The following RBMS1 variants were observed in gnomAD, a reference collection of about 807,000 sequenced individuals.
The protein encoded by RBMS1 is RNA-binding motif, single-stranded-interacting protein 1.
Under a neutral mutation model 62.3 loss-of-function variants are expected in RBMS1, and 17 were observed. The ratio of observed to expected loss-of-function variants is 0.27; its 90% CI spans 0.19 to 0.41. RBMS1 has a LOEUF of 0.41. Among genes scored for constraint, RBMS1 ranks in the 10% least tolerant of loss-of-function variants. The pLI is 1.00. For synonymous variants in RBMS1, 172 were observed against 170.0 expected (o/e 1.01, Z -0.09); for missense variants, 334 against 504.5 (o/e 0.66, Z 3.24).
intron 2 of RBMS1, among the ~76,000 whole-genome samples, chr2:160,348,661 T>C (rs771023056): frequency 2.9e-4 from 44 of 152,132 alleles, no homozygotes; most frequent in Non-Finnish European, 5.0e-4. Flanking sequence ...AAGCACCTGA[T>C]TGACAAGAAA....
intron 6 of RBMS1, among the ~76,000 whole-genome samples, chr2:160,288,513 C>T (rs1286471984): frequency 1.3e-5 from 2 of 152,186 alleles, no homozygotes; most frequent in East Asian, 1.9e-4. Context: ...TTTCTTCTTT[C>T]CCTGGTGTGA....
chr2:160,346,213 C>T (rs114540055), intron 2 of RBMS1, among the ~76,000 whole-genome samples: 92 of 152,158 alleles, frequency 6.0e-4, no homozygotes, highest in Non-Finnish European at 1.0e-3. Context: ...GCGATATTAC[C>T]GACCGTAGGA....
At chr2:160,420,887 T>C (rs1023043397) in intron 1 of RBMS1, among the ~76,000 whole-genome samples, 1 of 152,222 alleles carries the variant, frequency 6.6e-6, no homozygotes, top group Non-Finnish European at 1.5e-5. Context: ...TATAGCCTCT[T>C]GAGGTAAGAA....
Position 160,275,611 on chromosome 2 carries a change from G to T in RBMS1, c.*7+19C>A. 6.2e-7 allele frequency: 1 copy of T among 1,611,134 alleles called. No individual in the cohort carries two copies. Among genetic ancestry groups the T allele is most frequent in the African/African-American group, 1.3e-5 (1 of 74,960 alleles). On this transcript the variant is annotated intron_variant, in intron 13 of 13. Transcript: ENST00000348849. Reference sequence around the variant, plus strand: ...TGCTTGATTTGAGCCCCCCAGTTATGAAGACCTTTCCCTCATACCTCACAG... The same window carrying T: ...TGCTTGATTTGAGCCCCCCAGTTATTAAGACCTTTCCCTCATACCTCACAG...
At chr2:160,473,231 C>T (rs539902442) in intron 1 of RBMS1, among the ~76,000 whole-genome samples, 54 of 152,274 alleles carry the variant, frequency 3.5e-4, no homozygotes, top group African/African-American at 1.3e-3. Flanking sequence ...GTCACTTTTT[C>T]CCCATGCACA....
chr2:160,465,404 A>G (rs539688393), intron 1 of RBMS1, among the ~76,000 whole-genome samples: 1 of 152,348 alleles, frequency 6.6e-6, no homozygotes, highest in South Asian at 2.1e-4. Context: ...GCTCCTGCCC[A>G]ACTCAATCCT....
At chr2:160,347,206 A>G (rs1439912047) in intron 2 of RBMS1, among the ~76,000 whole-genome samples, 1 of 152,138 alleles carries the variant, frequency 6.6e-6, no homozygotes, top group Non-Finnish European at 1.5e-5. Flanking sequence ...TTAATTGCTT[A>G]GAATGCTAAA....
chr2:160,481,306 T>C (rs1022704326), intron 1 of RBMS1, among the ~76,000 whole-genome samples: 1 of 149,740 alleles, frequency 6.7e-6, no homozygotes, highest in African/African-American at 2.5e-5. Flanking sequence ...TAATTGGAAA[T>C]TGATTGCAGG....
intron 7 of RBMS1, among the ~76,000 whole-genome samples, chr2:160,285,283 GAATTTGTACTT>G (rs894581467): frequency 1.3e-5 from 2 of 151,742 alleles, no homozygotes; most frequent in African/African-American, 4.8e-5. Context: ...GGAGGGAGGG[GAATTTGTACTT>G]AGAGTCTAGT....
chr2:160,368,963 T>C (rs990137154), intron 1 of RBMS1, among the ~76,000 whole-genome samples: 3 of 152,158 alleles, frequency 2.0e-5, no homozygotes, highest in Non-Finnish European at 4.4e-5. Context: ...TATGTTACCA[T>C]TTTTTCTGGT....
intron 6 of RBMS1, among the ~76,000 whole-genome samples, chr2:160,289,411 A>G (rs953870278): frequency 2.6e-5 from 4 of 152,216 alleles, no homozygotes; most frequent in African/African-American, 9.6e-5. Context: ...AAAATGACAC[A>G]TTTCTGAGAT....
intron 2 of RBMS1, among the ~76,000 whole-genome samples, chr2:160,361,169 A>G (rs1338469969): frequency 6.6e-6 from 1 of 152,216 alleles, no homozygotes; most frequent in Non-Finnish European, 1.5e-5. Flanking sequence ...TTTTCTTTTA[A>G]TATCAAGTCA....
At chr2:160,287,177 A>G (rs1303790721) in intron 6 of RBMS1, 93 bp from the exon 7 acceptor site, 1 of 1,522,278 alleles carries the variant, frequency 6.6e-7, no homozygotes, top group East Asian at 2.3e-5. Flanking sequence ...TGTTCACGCT[A>G]TTAGAAAATT....
chr2:160,306,858 G>A (rs1479076443), intron 4 of RBMS1, among the ~76,000 whole-genome samples: 2 of 152,084 alleles, frequency 1.3e-5, no homozygotes, highest in South Asian at 4.1e-4. Flanking sequence ...GGATAGTTTA[G>A]TATCTTTAAA....
At chr2:160,377,380 C>T (rs951452925) in intron 1 of RBMS1, among the ~76,000 whole-genome samples, 3 of 152,170 alleles carry the variant, frequency 2.0e-5, no homozygotes, top group Non-Finnish European at 2.9e-5. Context: ...CTGATGTGCA[C>T]GTGAAGCACC....
intron 10 of RBMS1, among the ~76,000 whole-genome samples, chr2:160,279,991 T>C (rs1398212697): frequency 1.3e-5 from 2 of 152,228 alleles, no homozygotes; most frequent in African/African-American, 4.8e-5. Context: ...CATTAATACA[T>C]TCTGTTAGAA....
chr2:160,386,013 A>T (rs1312444230), intron 1 of RBMS1, among the ~76,000 whole-genome samples: 1 of 152,210 alleles, frequency 6.6e-6, no homozygotes, highest in Non-Finnish European at 1.5e-5. Flanking sequence ...AGCCAAACTG[A>T]AAGAACTTCT....
chr2:160,305,026 T>C (rs1210058399), intron 4 of RBMS1, among the ~76,000 whole-genome samples: 6 of 152,192 alleles, frequency 3.9e-5, no homozygotes, highest in Middle Eastern at 3.2e-3. Flanking sequence ...AGCTAATTTT[T>C]GTATTTTTAG....
At chr2:160,455,202 A>C (rs764190411) in intron 1 of RBMS1, among the ~76,000 whole-genome samples, 2 of 152,250 alleles carry the variant, frequency 1.3e-5, no homozygotes, top group East Asian at 3.8e-4. Flanking sequence ...TTTTTACTTC[A>C]GTTGAAAACC....
Sources: allele counts gnomAD v4.1 joint callset (sites outside exome capture counted in the v4.1 genomes callset), GRCh38; gene constraint gnomAD v4.1.1; transcripts MANE v1.5; gene names NCBI Gene and HGNC (gene_info 2026-07-23, HGNC 2026-07-21).